The following TENM3 variants were observed in gnomAD, a reference collection of about 807,000 sequenced individuals.
The protein encoded by TENM3 is teneurin-3.
A neutral mutation model predicts 255.1 loss-of-function variants in TENM3; 63 were observed. The observed-to-expected ratio is 0.25, with a 90% confidence interval of 0.20 to 0.30. The LOEUF (loss-of-function observed/expected upper bound fraction) is 0.30. TENM3 is among the 10% of genes least tolerant of loss of function. The probability of loss-of-function intolerance (pLI) is 1.00; values close to 1 mark genes in which losing one functional copy is unlikely to be tolerated. For missense variants in TENM3, 2,929 were observed against 3,461.1 expected (o/e 0.85, Z 3.86); for synonymous variants, 1,306 against 1,322.3 (o/e 0.99, Z 0.27).
At chr4:181,555,822 A>G in the TENM3 span, among the ~76,000 whole-genome samples, 1 of 152,216 alleles carries the variant, frequency 6.6e-6, no homozygotes, top group Admixed American at 6.5e-5. Context: ...CATACATCAT[A>G]CATCACTTCT....
At chr4:182,383,529 A>C (rs540443629) in intron 3 of TENM3, among the ~76,000 whole-genome samples, 3 of 152,224 alleles carry the variant, frequency 2.0e-5, no homozygotes, top group Non-Finnish European at 4.4e-5. Context: ...ACATGGGTAC[A>C]TTGCATGGTA....
At chr4:182,201,383 T>C (rs1260655598) in intron 1 of TENM3, among the ~76,000 whole-genome samples, 1 of 152,194 alleles carries the variant, frequency 6.6e-6, no homozygotes, top group Non-Finnish European at 1.5e-5. Context: ...GTGTTTAAGT[T>C]AGTAAAACAG....
intron 3 of TENM3, among the ~76,000 whole-genome samples, chr4:182,438,926 G>A (rs779057511): frequency 6.6e-6 from 1 of 152,132 alleles, no homozygotes; most frequent in Admixed American, 6.5e-5. Flanking sequence ...TTTTACAGTG[G>A]TTTCTATTTC....
chr4:181,569,689 A>G, the TENM3 span, among the ~76,000 whole-genome samples: 1 of 152,230 alleles, frequency 6.6e-6, no homozygotes, highest in African/African-American at 2.4e-5. Flanking sequence ...TGATTTAGCC[A>G]GCCAATGAAA....
chr4:182,059,482 TA>T, the TENM3 span, among the ~76,000 whole-genome samples: 3 of 151,770 alleles, frequency 2.0e-5, no homozygotes, highest in Non-Finnish European at 4.4e-5. Flanking sequence ...TAATTTTACA[TA>T]AAAAAAGGAA....
the TENM3 span, among the ~76,000 whole-genome samples, chr4:182,064,434 C>T: frequency 6.6e-6 from 1 of 151,856 alleles, no homozygotes; most frequent in African/African-American, 2.4e-5. Flanking sequence ...AAAAATTAGC[C>T]GGGCGTGGTG....
chr4:182,710,774 C>T (rs972892293), intron 12 of TENM3, among the ~76,000 whole-genome samples: 8 of 152,124 alleles, frequency 5.3e-5, no homozygotes, highest in Non-Finnish European at 1.0e-4. Flanking sequence ...TTTGACAAGG[C>T]GGGAGATTTG....
chr4:182,499,326 G>A (rs183827911), intron 3 of TENM3, among the ~76,000 whole-genome samples: 20 of 152,252 alleles, frequency 1.3e-4, no homozygotes, highest in Non-Finnish European at 2.9e-4. Context: ...TTACAATTAC[G>A]CTCTGAAGTG....
At chr4:181,683,310 A>T in the TENM3 span, among the ~76,000 whole-genome samples, 1 of 152,108 alleles carries the variant, frequency 6.6e-6, no homozygotes, top group African/African-American at 2.4e-5. Context: ...GTCATCTTTG[A>T]TGGAGCAAAG....
the TENM3 span, among the ~76,000 whole-genome samples, chr4:181,551,935 G>A: frequency 1.3e-5 from 2 of 149,216 alleles, no homozygotes; most frequent in Admixed American, 6.7e-5. Context: ...TATCACATGA[G>A]TTTTGAAAAA....
At chr4:182,777,543 A>ATGTGTT in intron 24 of TENM3, among the ~76,000 whole-genome samples, 1 of 34,924 alleles carries the variant, frequency 2.9e-5, no homozygotes, top group South Asian at 1.1e-3. Context: ...GTGTGTGTGT[A>ATGTGTT]TTTCTTTTTT....
At chr4:182,590,455 T>C (rs1370448582) in intron 3 of TENM3, among the ~76,000 whole-genome samples, 1 of 139,568 alleles carries the variant, frequency 7.2e-6, no homozygotes, top group Non-Finnish European at 1.5e-5. Flanking sequence ...CTGGGCAACA[T>C]AGTGAAAACC....
chr4:181,506,554 C>T, the TENM3 span, among the ~76,000 whole-genome samples: 1 of 152,038 alleles, frequency 6.6e-6, no homozygotes, highest in South Asian at 2.1e-4. Flanking sequence ...AACCGAGATA[C>T]GCTGTCCGGC....
At chr4:181,758,479 A>T in the TENM3 span, among the ~76,000 whole-genome samples, 28 of 152,304 alleles carry the variant, frequency 1.8e-4, no homozygotes, top group African/African-American at 5.5e-4. Flanking sequence ...TCAGCCTGGG[A>T]ACTTTCCACA....
At chr4:181,645,026 A>G in the TENM3 span, among the ~76,000 whole-genome samples, 1 of 152,194 alleles carries the variant, frequency 6.6e-6, no homozygotes, top group Non-Finnish European at 1.5e-5. Flanking sequence ...TTAATATTCT[A>G]AGCACCTTCC....
intron 2 of TENM3, among the ~76,000 whole-genome samples, chr4:182,325,726 T>A (rs1763352989): frequency 6.6e-6 from 1 of 151,842 alleles, no homozygotes; most frequent in African/African-American, 2.4e-5. Context: ...AACTCTTTAG[T>A]GCCCTGTTGG....
chr4:182,624,322 T>C (rs1292672040), intron 4 of TENM3, among the ~76,000 whole-genome samples: 3 of 152,236 alleles, frequency 2.0e-5, no homozygotes, highest in Non-Finnish European at 4.4e-5. Flanking sequence ...GACCAAAGAC[T>C]AAGGTAAGGG....
chr4:182,319,331 G>A (rs1291655960), intron 1 of TENM3, among the ~76,000 whole-genome samples: 5 of 152,202 alleles, frequency 3.3e-5, no homozygotes, highest in Admixed American at 6.5e-5. Context: ...AGATAACACA[G>A]AAAACTGCCT....
chr4:182,610,369 A>G (rs1748875735), intron 4 of TENM3, among the ~76,000 whole-genome samples: 1 of 152,196 alleles, frequency 6.6e-6, no homozygotes, highest in Admixed American at 6.5e-5. Context: ...ATTCCAGAGC[A>G]AATTTAAAAT....
Sources: allele counts gnomAD v4.1 joint callset (sites outside exome capture counted in the v4.1 genomes callset), GRCh38; gene constraint gnomAD v4.1.1; transcripts MANE v1.5; gene names NCBI Gene and HGNC (gene_info 2026-07-23, HGNC 2026-07-21).